The following MPHOSPH9 variants were observed in gnomAD, a reference collection of about 807,000 sequenced individuals.
The protein encoded by MPHOSPH9 is M-phase phosphoprotein 9.
MPHOSPH9 carries 88 observed loss-of-function variants against 145.5 expected under a neutral mutation model. The observed-to-expected ratio is 0.60, with a 90% CI of 0.51 to 0.72. MPHOSPH9 has a LOEUF of 0.72. Among genes scored for constraint, MPHOSPH9 ranks in the 30% least tolerant of loss-of-function variants. The pLI, the probability that MPHOSPH9 is intolerant of heterozygous loss-of-function variation, is 0.00. For synonymous variants in MPHOSPH9, 435 were observed against 486.2 expected (o/e 0.89, Z 1.39); for missense variants, 1,238 against 1,386.6 (o/e 0.89, Z 1.70).
At chr12:123,209,737 GTT>G (rs531113020) in intron 8 of MPHOSPH9, among the ~76,000 whole-genome samples, 2 of 123,670 alleles carry the variant, frequency 1.6e-5, no homozygotes, top group African/African-American at 3.0e-5. Context: ...TTGTTTTGTT[GTT>G]TTTTTTTTTT....
At chr12:123,181,253 G>T (rs180897078) in intron 13 of MPHOSPH9, 43 bp from the exon 14 acceptor site, 2 of 1,546,968 alleles carry the variant, frequency 1.3e-6, no homozygotes, top group Non-Finnish European at 1.8e-6. Context: ...AAAATTAAAC[G>T]TTATTCTATC....
Position 123,209,996 on chromosome 12 carries a change from A to C in MPHOSPH9, c.1194+60T>G, listed in dbSNP as rs1593199111. ...CATGATCCGCCCACCTCGGCCTCCC[A>C]AAGCGCTGGGATTACAGGCGTAAGC... On this transcript the variant is annotated intron_variant, in intron 8 of 23. Coordinates refer to ENST00000606320, the MANE Select transcript of MPHOSPH9 (RefSeq NM_022782.4). 4 of 1,215,508 alleles carry C rather than the reference A, an allele frequency of 3.3e-6. No homozygotes were observed. In the East Asian group the frequency reaches 1.0e-4, roughly 31 times the overall value. The allele number at this position is 1,215,508 out of a possible 1,614,324, so 75.3% of individuals were successfully genotyped here.
chr12:123,169,571 T>C (rs549655413), intron 16 of MPHOSPH9, among the ~76,000 whole-genome samples: 23 of 152,064 alleles, frequency 1.5e-4, no homozygotes, highest in African/African-American at 5.5e-4. Flanking sequence ...TACTCACCCA[T>C]TCTCAGTTTT....
At chr12:123,210,237 C>T in intron 7 of MPHOSPH9, 75 bp from the exon 8 acceptor site, 1 of 790,858 alleles carries the variant, frequency 1.3e-6, no homozygotes, top group South Asian at 2.7e-5. Context: ...ACATTTCTAC[C>T]TAAAGGAAAT....
intron 1 of MPHOSPH9, among the ~76,000 whole-genome samples, chr12:123,240,911 A>G (rs576005717): frequency 1.8e-4 from 28 of 151,992 alleles, no homozygotes; most frequent in Admixed American, 1.3e-3. Flanking sequence ...ATGGGATTTC[A>G]CCATGTTGGC....
intron 1 of MPHOSPH9, among the ~76,000 whole-genome samples, chr12:123,241,261 G>A (rs1291419288): frequency 6.6e-6 from 1 of 151,366 alleles, no homozygotes; most frequent in African/African-American, 2.4e-5. Flanking sequence ...CAATATGCTG[G>A]GATTTCAGGT....
chr12:123,208,063 C>A (rs1192880248), intron 8 of MPHOSPH9, among the ~76,000 whole-genome samples: 1 of 151,086 alleles, frequency 6.6e-6, no homozygotes, highest in Non-Finnish European at 1.5e-5. Flanking sequence ...ACTAAAAATA[C>A]AAAAATTAGC....
rs751219319 is a variant in MPHOSPH9, at chr12:123,214,827, A to G, written c.1004T>C (p.Phe335Ser). The change falls in exon 7 of 24, where the codon TTT becomes TCT. Residue 335 changes from phenylalanine (F) to serine (S), a missense_variant. Physicochemically the swap from Phe to Ser is radical, Grantham distance 155. Coordinates refer to ENST00000606320, the MANE Select transcript of MPHOSPH9 (RefSeq NM_022782.4). ...AGCACGAGGATGTGTAGCAGCAGCA[A>G]AATCAGACTACAAGAAAGAAAACTA... ...SKKTPIEKSD[F>S]AAATHPRAFY... The G allele has an allele frequency of 3.1e-6, 5 of 1,611,946 alleles. No homozygotes were observed. Among genetic ancestry groups the G allele is most frequent in the Admixed American group, 3.3e-5 (2 of 59,976 alleles).
chr12:123,183,770 G>T (rs1260582632), intron 13 of MPHOSPH9, among the ~76,000 whole-genome samples: 1 of 151,992 alleles, frequency 6.6e-6, no homozygotes, highest in Non-Finnish European at 1.5e-5. Context: ...AGTAATCAGA[G>T]CCCAGGACAC....
intron 4 of MPHOSPH9, 31 bp from the exon 5 acceptor site, chr12:123,221,926 GA>G: frequency 8.3e-7 from 1 of 1,203,060 alleles, no homozygotes; most frequent in African/African-American, 1.5e-5. Flanking sequence ...ATTTGGGTAA[GA>G]AAGTATATTA....
chr12:123,231,699 AAAAAAT>A (rs1312471404), intron 1 of MPHOSPH9, among the ~76,000 whole-genome samples: 9 of 151,898 alleles, frequency 5.9e-5, no homozygotes, highest in African/African-American at 1.7e-4. Context: ...CCCATCTCTT[AAAAAAT>A]AAAAATAAAA....
chr12:123,187,828 G>A (rs892417607), intron 13 of MPHOSPH9, among the ~76,000 whole-genome samples: 4 of 152,146 alleles, frequency 2.6e-5, no homozygotes, highest in Non-Finnish European at 4.4e-5. Context: ...CATATATTAC[G>A]TAAGAGGTAA....
chr12:123,219,921 G>A (rs1484947350), intron 5 of MPHOSPH9, among the ~76,000 whole-genome samples: 7 of 152,204 alleles, frequency 4.6e-5, no homozygotes, highest in Non-Finnish European at 5.9e-5. Flanking sequence ...AGTGGTTCAC[G>A]CCTGTAATCC....
intron 5 of MPHOSPH9, 76 bp from the exon 6 acceptor site, chr12:123,218,575 G>C (rs991454843): frequency 2.1e-5 from 30 of 1,429,860 alleles, no homozygotes; most frequent in Non-Finnish European, 2.7e-5. Context: ...GCCCAGGCTG[G>C]AGTACGGTGG....
chr12:123,198,097 A>T (rs1015658801), intron 12 of MPHOSPH9, 150 bp downstream of exon 12: 10 of 613,776 alleles, frequency 1.6e-5, no homozygotes, highest in Admixed American at 1.3e-4. Context: ...AAAAAAAAAA[A>T]GGGTAAAGTT....
At chr12:123,192,614 G>A (rs1477180876) in intron 13 of MPHOSPH9, among the ~76,000 whole-genome samples, 7 of 100,906 alleles carry the variant, frequency 6.9e-5, no homozygotes, top group East Asian at 3.3e-4. Context: ...GGGCAACAGA[G>A]TGAGACACCG....
At chr12:123,189,994 C>T (rs912850987) in intron 13 of MPHOSPH9, among the ~76,000 whole-genome samples, 3 of 151,346 alleles carry the variant, frequency 2.0e-5, no homozygotes, top group East Asian at 1.9e-4. Context: ...TTTCAAGATA[C>T]GCCAAAGAAG....
At chr12:123,168,247 T>C (rs2044399430) in intron 16 of MPHOSPH9, among the ~76,000 whole-genome samples, 1 of 152,008 alleles carries the variant, frequency 6.6e-6, no homozygotes, top group African/African-American at 2.4e-5. Flanking sequence ...CTCCTACCAC[T>C]GAGCTTTGCT....
At chr12:123,176,350 G>T (rs2044862403) in intron 16 of MPHOSPH9, among the ~76,000 whole-genome samples, 1 of 152,062 alleles carries the variant, frequency 6.6e-6, no homozygotes, top group Non-Finnish European at 1.5e-5. Context: ...AAATTTTAGG[G>T]CTAAAAGACC....
Sources: allele counts gnomAD v4.1 joint callset (sites outside exome capture counted in the v4.1 genomes callset), GRCh38; gene constraint gnomAD v4.1.1; transcripts MANE v1.5; gene names NCBI Gene and HGNC (gene_info 2026-07-23, HGNC 2026-07-21).